The following DEK variants were observed in gnomAD, a reference collection of about 807,000 sequenced individuals.
The protein encoded by DEK is protein DEK.
Under a neutral mutation model 46.8 loss-of-function variants are expected in DEK, and 28 were observed. That is an observed-to-expected ratio of 0.60 (90% CI 0.44 to 0.82). The LOEUF (loss-of-function observed/expected upper bound fraction) is 0.82, where lower values mean the gene tolerates loss of function less well. Ranked by LOEUF, DEK falls within the 40% of genes least tolerant of loss-of-function variation. DEK has a pLI of 0.00. For missense variants in DEK, 416 were observed against 430.6 expected (o/e 0.97, Z 0.30); for synonymous variants, 160 against 144.5 (o/e 1.11, Z -0.77).
At chr6:18,251,025 C>A (rs927743704) in intron 6 of DEK, among the ~76,000 whole-genome samples, 2 of 151,994 alleles carry the variant, frequency 1.3e-5, no homozygotes, top group African/African-American at 4.8e-5. Context: ...GCAGAGATCA[C>A]CTGATGAAAA....
chr6:18,255,786 C>T lies in DEK; in HGVS notation c.518G>A (p.Ser173Asn). The T allele has an allele frequency of 6.2e-7, 1 of 1,612,710 alleles. No individual in the cohort carries two copies. Among genetic ancestry groups the T allele is most frequent in the South Asian group, 1.1e-5 (1 of 90,686 alleles). Residue 173 changes from serine to asparagine, a missense_variant, in exon 6 of 11, where the codon AGT becomes AAT. Coordinates refer to ENST00000652689, the MANE Select transcript of DEK (RefSeq NM_003472.4). ...ATTCAAGATCCTCTTCACTAGTTCA[C>T]TATTTACACCTGATCTCTCCAAATC... The part of the protein sequence containing the change: ...VLDLERSGVN[S>N]ELVKRILNFL...
At chr6:18,258,427 CTTAA>C (rs760604557) in intron 2 of DEK, 22 bp from the exon 3 acceptor site, 5 of 1,568,358 alleles carry the variant, frequency 3.2e-6, no homozygotes, top group South Asian at 1.1e-5. Flanking sequence ...TTTAGTATTT[CTTAA>C]TTAACAAAAA....
chr6:18,259,693 A>G (rs1262923849), intron 2 of DEK, among the ~76,000 whole-genome samples: 3 of 152,182 alleles, frequency 2.0e-5, no homozygotes. Context: ...ATAAAAGATA[A>G]CAAAACATCT....
intron 6 of DEK, among the ~76,000 whole-genome samples, chr6:18,252,532 A>AAAG (rs1791431812): frequency 1.4e-5 from 2 of 148,042 alleles, no homozygotes; most frequent in Non-Finnish European, 3.0e-5. Flanking sequence ...AAAAAAAAAA[A>AAAG]AAAGAAAATA....
At chr6:18,228,549 C>A (rs528113278) in intron 9 of DEK, among the ~76,000 whole-genome samples, 1 of 152,066 alleles carries the variant, frequency 6.6e-6, no homozygotes, top group East Asian at 1.9e-4. Flanking sequence ...TGCAGCCAAC[C>A]GAGCGTGAGC....
intron 2 of DEK, among the ~76,000 whole-genome samples, chr6:18,260,994 A>G (rs1454652840): frequency 6.6e-6 from 1 of 151,040 alleles, no homozygotes; most frequent in Non-Finnish European, 1.5e-5. Context: ...CCAAAAAAAA[A>G]AAAAAAAAAG....
chr6:18,248,390 T>C (rs984591238), intron 7 of DEK, among the ~76,000 whole-genome samples: 1 of 152,204 alleles, frequency 6.6e-6, no homozygotes, highest in Admixed American at 6.5e-5. Flanking sequence ...ACACCAAATA[T>C]TTCCTGAATG....
At chr6:18,253,550 A>C (rs889224993) in intron 6 of DEK, among the ~76,000 whole-genome samples, 2 of 152,198 alleles carry the variant, frequency 1.3e-5, no homozygotes, top group Non-Finnish European at 2.9e-5. Flanking sequence ...TACATACAAG[A>C]CCCAAGTTAA....
At chr6:18,261,560 A>G (rs1158514228) in intron 2 of DEK, among the ~76,000 whole-genome samples, 2 of 152,002 alleles carry the variant, frequency 1.3e-5, no homozygotes, top group African/African-American at 4.8e-5. Context: ...AACGAGAGCG[A>G]AACTCCGTTT....
chr6:18,244,224 A>C (rs1464592645), intron 7 of DEK, among the ~76,000 whole-genome samples: 1 of 152,196 alleles, frequency 6.6e-6, no homozygotes, highest in Non-Finnish European at 1.5e-5. Flanking sequence ...ATGAGATTTA[A>C]AGATTCGAGT....
intron 10 of DEK, 151 bp from the exon 11 acceptor site, chr6:18,225,881 G>C (rs573496050): frequency 1.1e-6 from 1 of 930,546 alleles, no homozygotes; most frequent in Non-Finnish European, 1.6e-6. Context: ...CCTTTGCCTC[G>C]TAGACAGGAA....
chr6:18,262,661 C>T (rs1791930455), intron 2 of DEK, among the ~76,000 whole-genome samples: 1 of 152,078 alleles, frequency 6.6e-6, no homozygotes, highest in African/African-American at 2.4e-5. Context: ...TCAACCCTGC[C>T]CCCACCAGAA....
chr6:18,238,861 G>C (rs1054138434), intron 7 of DEK, among the ~76,000 whole-genome samples: 3 of 151,970 alleles, frequency 2.0e-5, no homozygotes, highest in Non-Finnish European at 4.4e-5. Context: ...GCGATCACTT[G>C]ACAGAACGTT....
intron 5 of DEK, 60 bp downstream of exon 5, chr6:18,256,301 C>A: frequency 6.9e-7 from 1 of 1,441,122 alleles, no homozygotes; most frequent in Non-Finnish European, 9.5e-7. Context: ...TGTGATTTAA[C>A]ATTAAAAAAT....
chr6:18,225,460 C>A lies in DEK; in HGVS notation c.*259G>T. The A allele has an allele frequency of 4.8e-6, 2 of 412,712 alleles. No homozygotes were observed. Among genetic ancestry groups the A allele is most frequent in the African/African-American group, 2.0e-5 (1 of 48,884 alleles). The allele number at this position is 412,712 out of a possible 1,614,324, so 25.6% of individuals were successfully genotyped here. ...ATCTATGACCTTATATAAAGAAATC[C>A]AAAATGTACAAAATACAACTATAAA... On this transcript the variant is annotated 3_prime_UTR_variant, in exon 11 of 11. Coordinates refer to ENST00000652689, the MANE Select transcript of DEK (RefSeq NM_003472.4).
intron 9 of DEK, among the ~76,000 whole-genome samples, chr6:18,236,048 C>G (rs1233982666): frequency 6.6e-6 from 1 of 152,188 alleles, no homozygotes; most frequent in Non-Finnish European, 1.5e-5. Context: ...CTGCAGAAGT[C>G]TGAGTTAAGA....
intron 2 of DEK, among the ~76,000 whole-genome samples, 191 bp downstream of exon 2, chr6:18,263,652 G>A (rs540278139): frequency 3.4e-4 from 52 of 152,260 alleles, no homozygotes; most frequent in African/African-American, 1.1e-3. Context: ...TTTAAAAACC[G>A]GAATACACAA....
intron 9 of DEK, among the ~76,000 whole-genome samples, chr6:18,234,202 G>A (rs1227289508): frequency 1.4e-5 from 2 of 145,032 alleles, no homozygotes; most frequent in African/African-American, 2.5e-5. Context: ...TGGGGGGGAC[G>A]GGGGAGGGAT....
chr6:18,226,906 C>CA (rs1790152095), intron 9 of DEK, among the ~76,000 whole-genome samples: 1 of 152,194 alleles, frequency 6.6e-6, no homozygotes, highest in Non-Finnish European at 1.5e-5. Context: ...TGTGCTGTGT[C>CA]AACTCAGGGT....
Sources: gnomAD v4.1 joint callset for allele counts (sites outside exome capture counted in the v4.1 genomes callset) on GRCh38, gnomAD v4.1.1 for gene constraint, MANE v1.5 for transcripts, NCBI Gene and HGNC (gene_info 2026-07-23, HGNC 2026-07-21) for gene names.